The following SLC2A11 variants were observed in gnomAD, a reference collection of about 807,000 sequenced individuals.
SLC2A11 encodes the protein solute carrier family 2 member 11, also known as solute carrier family 2, facilitated glucose transporter member 11.
A neutral mutation model predicts 52.1 loss-of-function variants in SLC2A11; 43 were observed. The ratio of observed to expected loss-of-function variants is 0.82; its 90% CI spans 0.65 to 1.06. SLC2A11 has a LOEUF of 1.06. Among genes scored for constraint, SLC2A11 ranks in the 50% least tolerant of loss-of-function variants. SLC2A11 has a pLI of 0.00. For missense variants in SLC2A11, 582 were observed against 654.2 expected (o/e 0.89, Z 1.20); for synonymous variants, 261 against 277.6 (o/e 0.94, Z 0.59).
upstream of SLC2A11, chr22:23,857,732 C>G: frequency 1.6e-6 from 2 of 1,282,710 alleles, no homozygotes; most frequent in Non-Finnish European, 2.1e-6. Flanking sequence ...GAGCTTGAGT[C>G]TCAGGCCTTA....
chr22:23,879,207 A>G (rs572003902), intron 6 of SLC2A11, among the ~76,000 whole-genome samples: 2 of 152,148 alleles, frequency 1.3e-5, no homozygotes, highest in South Asian at 2.1e-4. Flanking sequence ...GTGGCTGTTC[A>G]TAGGCATGAC....
intron 1 of SLC2A11, among the ~76,000 whole-genome samples, chr22:23,858,893 C>T (rs2031954456): frequency 6.6e-6 from 1 of 152,196 alleles, no homozygotes. Context: ...CTGTTGTTCA[C>T]TGCTGTATCC....
chr22:23,862,180 C>T lies in SLC2A11; in HGVS notation c.107C>T (p.Ser36Phe), dbSNP rs763508970. 2.5e-6 allele frequency: 4 copies of T among 1,614,032 alleles called. No individual in the cohort carries two copies. In the African/African-American group the frequency reaches 5.3e-5, roughly 22 times the overall value. Residue 36 changes from serine to phenylalanine, a missense_variant, in exon 2 of 12, where the codon TCT becomes TTT. Physicochemically the swap from Ser to Phe is radical, Grantham distance 155. Coordinates refer to ENST00000316185, the MANE Select transcript of SLC2A11 (RefSeq NM_001024939.4). ...ACTTTTCAGTTTGGCTATAACCTCT[C>T]TATCATCAATGCCCCGACCTTGGTA... is the stretch of plus-strand genomic sequence containing the variant. ...GGTFQFGYNL[S>F]IINAPTLHIQ...
chr22:23,883,802 G>A lies in SLC2A11; in HGVS notation c.1024G>A (p.Val342Met), dbSNP rs377301649. ...CVVIERVGRRVLLIGGYSLMT... is the reference protein window; with the variant it reads ...CVVIERVGRRMLLIGGYSLMT... ...GGTAATCGAGAGGGTGGGTCGGCGC[G>A]TGCTGCTCATCGGTGGGTACAGCCT... Residue 342 changes from valine to methionine, a missense_variant, in exon 9 of 12, where the codon GTG (valine) becomes ATG (methionine). Val to Met is a conservative substitution (Grantham distance 21, BLOSUM62 1). Coordinates refer to ENST00000316185, the MANE Select transcript of SLC2A11 (RefSeq NM_001024939.4). 3.5e-5 allele frequency: 54 copies of A among 1,557,894 alleles called. No homozygotes were observed. Among genetic ancestry groups the A allele is most frequent in the Non-Finnish European group, 4.3e-5 (50 of 1,155,990 alleles).
rs202104377 is a variant in SLC2A11, at chr22:23,862,162, A to C, written c.89A>C (p.Gln30Pro). Residue 30 changes from glutamine to proline, a missense_variant, in exon 2 of 12, where the codon CAG becomes CCG. Transcript: ENST00000316185. ...ICAAGIGGTFQFGYNLSIINA... is the reference protein window; with the variant it reads ...ICAAGIGGTFPFGYNLSIINA... The stretch of plus-strand genomic sequence containing the variant: ...GCTGCCGGCATTGGTGGGACTTTTC[A>C]GTTTGGCTATAACCTCTCTATCATC... The C allele has an allele frequency of 6.2e-7, 1 of 1,614,062 alleles. No individual in the cohort carries two copies.
intron 6 of SLC2A11, chr22:23,882,135 A>AAAC (rs2032829401): frequency 1.2e-5 from 2 of 170,146 alleles, no homozygotes; most frequent in Non-Finnish European, 1.0e-5. Context: ...GAGAGAGAGA[A>AAAC]ACACACACAC....
chr22:23,863,883 G>A (rs1446301046), intron 2 of SLC2A11, among the ~76,000 whole-genome samples: 3 of 151,834 alleles, frequency 2.0e-5, no homozygotes, highest in African/African-American at 4.8e-5. Flanking sequence ...CGCCCACCTC[G>A]GCCTCTTGAA....
At chr22:23,879,152 T>G (rs1370650423) in intron 6 of SLC2A11, among the ~76,000 whole-genome samples, 1 of 152,218 alleles carries the variant, frequency 6.6e-6, no homozygotes, top group East Asian at 1.9e-4. Context: ...TTTTATTTTT[T>G]TTATCTTTTA....
At chr22:23,857,061 A>ATT, upstream of SLC2A11, 1 of 486,686 alleles carries the variant, frequency 2.1e-6, no homozygotes, top group Non-Finnish European at 3.5e-6. Flanking sequence ...CCTGAACCAA[A>ATT]GTGTGTGTGT....
intron 4 of SLC2A11, among the ~76,000 whole-genome samples, chr22:23,876,123 G>C (rs1014192019): frequency 3.3e-5 from 5 of 152,132 alleles, no homozygotes; most frequent in Non-Finnish European, 5.9e-5. Context: ...GAGAGAGGGA[G>C]ACAGGGAGAC....
chr22:23,870,332 G>A (rs1330367801), intron 3 of SLC2A11: 1 of 386,588 alleles, frequency 2.6e-6, no homozygotes, highest in Non-Finnish European at 4.6e-6. Flanking sequence ...CCCTCCCCAG[G>A]ACAGGGGGAT....
chr22:23,867,028 A>G (rs1601492854), intron 2 of SLC2A11: 1 of 152,398 alleles, frequency 6.6e-6, no homozygotes, highest in East Asian at 1.9e-4. Context: ...GGTGCTCACC[A>G]TTGGCCAAGT....
In SLC2A11 at chr22:23,883,427, T is replaced by C. The variant is rs144207235; in HGVS notation, c.994-345T>C. 1,747 of 366,986 alleles carry C rather than the reference T, an allele frequency of 4.8e-3. 9 individuals carry two copies. Among genetic ancestry groups the C allele is most frequent in the Non-Finnish European group, 7.1e-3 (1,443 of 201,992 alleles). The allele number at this position is 366,986 out of a possible 1,614,324, so 22.7% of individuals were successfully genotyped here. A position where few individuals can be genotyped will look rare whatever the true frequency, so the allele number is the denominator to read the frequency against. Reference sequence around the variant, plus strand: ...TTGAGACTGCAGTAAACCGAGATTGTGCCACTGCACTCCAGCGTGGGCTGG... The same window carrying C: ...TTGAGACTGCAGTAAACCGAGATTGCGCCACTGCACTCCAGCGTGGGCTGG... On this transcript the variant is annotated intron_variant, in intron 8 of 11. Coordinates refer to ENST00000316185, the MANE Select transcript of SLC2A11 (RefSeq NM_001024939.4).
At chr22:23,857,090 A>AGGGGGGGGGGGGGGG, upstream of SLC2A11, 1 of 769,138 alleles carries the variant, frequency 1.3e-6, no homozygotes, top group East Asian at 4.5e-5. Flanking sequence ...GGGGGGGTGT[A>AGGGGGGGGGGGGGGG]GGTGGGGCGT....
chr22:23,877,695 G>T (rs749791379), intron 5 of SLC2A11, 26 bp from the exon 6 acceptor site: 32 of 1,551,088 alleles, frequency 2.1e-5, no homozygotes, highest in Non-Finnish European at 2.6e-5. Flanking sequence ...GAGGCATCTG[G>T]CCTGGCCTCT....
At chr22:23,875,813 T>G (rs1457231995) in intron 4 of SLC2A11, among the ~76,000 whole-genome samples, 1 of 152,224 alleles carries the variant, frequency 6.6e-6, no homozygotes, top group Non-Finnish European at 1.5e-5. Context: ...ATTAAGTGAC[T>G]TAAAATAATC....
At chr22:23,877,225 G>A (rs557138255) in intron 5 of SLC2A11, 54 bp downstream of exon 5, 1,003 of 1,572,926 alleles carry the variant, frequency 6.4e-4, no homozygotes, top group Non-Finnish European at 7.5e-4. Context: ...CAGTAAAAGC[G>A]TTTCTTCACC....
In SLC2A11 at chr22:23,884,038, A is replaced by G. The variant is rs2032919246; in HGVS notation, c.1171+14A>G. On this transcript the variant is annotated intron_variant, in intron 10 of 11. Coordinates refer to ENST00000316185, the MANE Select transcript of SLC2A11 (RefSeq NM_001024939.4). The surrounding 1 kb of genome is among the most constrained non-coding windows in gnomAD (Gnocchi z 4.3). ...GCATTGGCCCTGGTGAGTGGGCCCA[A>G]GGGGCTCTGGGCATCCATCATCACA... The G allele has an allele frequency of 6.2e-7, 1 of 1,609,890 alleles. No individual in the cohort carries two copies. Among genetic ancestry groups the G allele is most frequent in the South Asian group, 1.1e-5 (1 of 90,690 alleles).
chr22:23,876,531 C>T lies in SLC2A11; in HGVS notation c.416-511C>T, dbSNP rs187894890. On this transcript the variant is annotated intron_variant, in intron 4 of 11. Coordinates refer to ENST00000316185, the MANE Select transcript of SLC2A11 (RefSeq NM_001024939.4). The stretch of plus-strand genomic sequence containing the variant: ...TGCCATTTGTCACCCTCTGGGAGGG[C>T]GCTGGGGTGCTCTCCAGCTCTCTGT... 2.9e-3 allele frequency among the ~76,000 whole-genome samples: 438 copies of T among 152,282 alleles called. 3 individuals are homozygous for T. The highest frequency in any genetic ancestry group is 9.8e-3 in the African/African-American group (409 of 41,556).
Sources: allele counts gnomAD v4.1 joint callset (sites outside exome capture counted in the v4.1 genomes callset), GRCh38; gene constraint gnomAD v4.1.1; non-coding constraint Gnocchi (gnomAD v3.1); transcripts MANE v1.5; gene names NCBI Gene and HGNC (gene_info 2026-07-23, HGNC 2026-07-21).